Variants in LIG3 observed in about 807,000 individuals in gnomAD.
LIG3 encodes the protein ligase II, DNA, ATP-dependent.
LIG3 carries 58 observed loss-of-function variants against 110.9 expected under a neutral mutation model. The observed-to-expected ratio is 0.52, with a 90% CI of 0.42 to 0.65. The LOEUF (loss-of-function observed/expected upper bound fraction) is 0.65, where lower values mean the gene tolerates loss of function less well. LIG3 is among the 30% of genes least tolerant of loss of function. The pLI, the probability that LIG3 is intolerant of heterozygous loss-of-function variation, is 0.00. For synonymous variants in LIG3, 422 were observed against 472.8 expected, an observed-to-expected ratio of 0.89 and a Z score of 1.39; for missense variants, 1,094 against 1,273.8, an observed-to-expected ratio of 0.86 and a Z score of 2.15.
rs770259621 is a variant in LIG3 at position 35,005,435 on chromosome 17, G to A, written c.*929G>A. On this transcript the variant is annotated 3_prime_UTR_variant, in exon 20 of 20. Coordinates refer to ENST00000378526, the MANE Select transcript of LIG3 (RefSeq NM_013975.4). Reference sequence around the variant, plus strand: ...GGTGGTGTCTTACTTCCTCATGACTGGAGGAATAATTATATGATATTGTTG... The same window carrying A: ...GGTGGTGTCTTACTTCCTCATGACTAGAGGAATAATTATATGATATTGTTG... 1.8e-5 allele frequency: 10 copies of A among 560,382 alleles called. No homozygotes were observed. Among genetic ancestry groups the A allele is most frequent in the Non-Finnish European group, 2.5e-5 (7 of 276,496 alleles). 34.7% of individuals were successfully genotyped at this position (560,382 alleles called of 1,614,324 possible). A position where few individuals can be genotyped will look rare whatever the true frequency, so the allele number is the denominator to read the frequency against.
In LIG3 at chr17:35,001,417, G is replaced by A. The variant is rs3136023; in HGVS notation, c.2478+14G>A. 1,159 of 1,613,344 alleles carry A rather than the reference G, an allele frequency of 7.2e-4. 8 individuals carry two copies. The African/African-American group carries it at 0.013, about 19-fold the overall frequency. ...CCCCAACTCAAGGTAGCAGCTCTTAGGCTGTATATGTATTCTCCACCCCAC... is the reference window on the plus strand; with the variant it reads ...CCCCAACTCAAGGTAGCAGCTCTTAAGCTGTATATGTATTCTCCACCCCAC... On this transcript the variant is annotated intron_variant, in intron 17 of 19. Transcript: ENST00000378526.
chr17:34,997,645 T>C (rs1306265979), intron 11 of LIG3, 93 bp from the exon 12 acceptor site: 7 of 885,360 alleles, frequency 7.9e-6, no homozygotes, highest in African/African-American at 1.6e-5. Context: ...TTTCTTGAAG[T>C]AGCAGTTTTA....
In LIG3 at chr17:34,983,118, G is replaced by A. The variant is rs773232285; in HGVS notation, c.113G>A (p.Trp38Ter). 2 of 1,614,156 alleles carry A rather than the reference G, an allele frequency of 1.2e-6. No homozygotes were observed. The highest frequency in any genetic ancestry group is 1.7e-6 in the Non-Finnish European group (2 of 1,180,030). ...HWRDVRQFSQ[W>*]SETDLLHGHP... ...CGTGATGTAAGACAATTCAGCCAGT[G>A]GTCAGAAACAGATCTGCTTCATGGA... is the stretch of plus-strand genomic sequence containing the variant. Residue 38 changes from tryptophan to a stop codon, truncating the protein, a stop_gained, in exon 2 of 20, where the codon TGG becomes TAG. Transcript: ENST00000378526. LOFTEE classifies it high-confidence loss of function.
rs765662606 is a variant in LIG3, at chr17:34,998,676, GAC to G, written c.2066_2067del (p.Thr689SerfsTer2). 2 of 1,614,140 alleles carry G rather than the reference GAC, an allele frequency of 1.2e-6. No homozygotes were observed. Among genetic ancestry groups the G allele is most frequent in the Admixed American group, 1.7e-5 (1 of 60,032 alleles). On this transcript the variant is annotated frameshift_variant, in exon 14 of 20. Coordinates refer to ENST00000378526, the MANE Select transcript of LIG3 (RefSeq NM_013975.4). LOFTEE classifies it high-confidence loss of function. ...CTATTTGAACGAGGGGGCCATGGCC[GAC>G]ACAGCTGACCTGGTGGTCCTTGGAG... ...KDYLNEGAMADTADLVVLGAF... is the reference protein window; with the variant it reads ...KDYLNEGAMAXTADLVVLGAF...
At chr17:34,996,767 A>G (rs1252415699) in intron 11 of LIG3, 114 bp downstream of exon 11, 2 of 884,138 alleles carry the variant, frequency 2.3e-6, no homozygotes, top group Non-Finnish European at 3.7e-6. Flanking sequence ...ACCAGCTGGC[A>G]CATACGTTTG....
Position 34,998,733 on chromosome 17 carries a change from G to T in LIG3, c.2113+6G>T. On this transcript the variant is annotated splice_donor_region_variant and intron_variant, in intron 14 of 19. Transcript: ENST00000378526. ...CTATGGGCAAGGGAGCAAAGGTCAG[G>T]GTGGCCTCTGCCCCCTGGGGTGGTA... 4 of 1,613,318 alleles carry T rather than the reference G, an allele frequency of 2.5e-6. No individual in the cohort carries two copies. The highest frequency in any genetic ancestry group is 3.4e-6 in the Non-Finnish European group (4 of 1,179,634).
At chr17:34,984,808 C>T (rs1402757911) in intron 2 of LIG3, among the ~76,000 whole-genome samples, 2 of 150,824 alleles carry the variant, frequency 1.3e-5, no homozygotes, top group Non-Finnish European at 2.9e-5. Flanking sequence ...GACAGAGTCT[C>T]ACTCTGTGAC....
At chr17:34,988,297 C>A (rs2090681040) in intron 3 of LIG3, among the ~76,000 whole-genome samples, 1 of 150,492 alleles carries the variant, frequency 6.6e-6, no homozygotes, top group African/African-American at 2.4e-5. Context: ...CAGCATGTTT[C>A]TGGAAGGGCT....
chr17:35,004,401 C>G lies in LIG3; in HGVS notation c.2925C>G (p.Ala975=). Residue 975 remains alanine (A), a synonymous_variant, in exon 20 of 20, where the codon GCC becomes GCG. Transcript: ENST00000378526. The stretch of plus-strand genomic sequence containing the variant: ...TACAGGAATTTGATATGACTTCAGC[C>G]ACGCACGTGCTGGGTAGCAGGGACA... ...DLVQEFDMTS[A]THVLGSRDKN... The G allele has an allele frequency of 6.2e-7, 1 of 1,614,186 alleles. No individual in the cohort carries two copies. Among genetic ancestry groups the G allele is most frequent in the South Asian group, 1.1e-5 (1 of 91,090 alleles).
rs2090923500 is a variant in LIG3, at chr17:35,009,691, T to A, written c.*5185T>A. On this transcript the variant is annotated 3_prime_UTR_variant, in exon 20 of 20. Coordinates refer to ENST00000378526, the MANE Select transcript of LIG3 (RefSeq NM_013975.4). ...AGGCAAAATGAGTAAACAACCTCAGTTTTAATTCTTACTGAGGTTACTAAC... is the reference window on the plus strand; with the variant it reads ...AGGCAAAATGAGTAAACAACCTCAGATTTAATTCTTACTGAGGTTACTAAC... The A allele has an allele frequency of 2.6e-5, 4 of 152,098 alleles. No individual in the cohort carries two copies. The highest frequency in any genetic ancestry group is 2.0e-4 in the Admixed American group (3 of 15,272). 9.4% of individuals were successfully genotyped at this position (152,098 alleles called of 1,614,324 possible).
Position 35,004,595 on chromosome 17 carries a change from A to AT in LIG3, c.*89_*90insT. 9.1e-7 allele frequency: 1 copy of AT among 1,093,620 alleles called. No homozygotes were observed. The highest frequency in any genetic ancestry group is 1.4e-6 in the Non-Finnish European group (1 of 736,322). The allele number at this position is 1,093,620 out of a possible 1,614,324, so 67.7% of individuals were successfully genotyped here. A position where few individuals can be genotyped will look rare whatever the true frequency, so the allele number is the denominator to read the frequency against. ...GGCTGGAGGCAGATAGACACAGTAT[A>AT]GGGGGAATGGGCTTGCTTCTCCCAA... On this transcript the variant is annotated 3_prime_UTR_variant, in exon 20 of 20. Coordinates refer to ENST00000378526, the MANE Select transcript of LIG3 (RefSeq NM_013975.4).
At chr17:34,989,186 A>T (rs1215545360) in intron 3 of LIG3, among the ~76,000 whole-genome samples, 1 of 152,084 alleles carries the variant, frequency 6.6e-6, no homozygotes, top group African/African-American at 2.4e-5. Flanking sequence ...ATTCTTCAGT[A>T]AAGTGCTCAC....
chr17:34,983,244 G>A lies in LIG3; in HGVS notation c.239G>A (p.Gly80Glu), dbSNP rs142501106. The change falls in exon 2 of 20, where the codon GGA becomes GAA. Residue 80 changes from glycine (G) to glutamate (E), a missense_variant. By Grantham distance (98) the Gly-to-Glu change is moderately conservative. Coordinates refer to ENST00000378526, the MANE Select transcript of LIG3 (RefSeq NM_013975.4). ...YLVFLPGLHV[G>E]LCSGPCEMAE... ...GTTTTCTTGCCAGGGTTGCATGTGG[G>A]ACTCTGCAGTGGCCCCTGTGAGATG... The A allele has an allele frequency of 2.5e-6, 4 of 1,614,092 alleles. No homozygotes were observed. In the African/African-American group the frequency reaches 5.3e-5, roughly 22 times the overall value.
chr17:34,996,450 C>A, intron 10 of LIG3, 124 bp from the exon 11 acceptor site: 1 of 879,306 alleles, frequency 1.1e-6, no homozygotes, highest in Non-Finnish European at 1.8e-6. Flanking sequence ...CCAGGGGCTT[C>A]AGAGCAGAAA....
rs2090782846 is a variant in LIG3 at position 34,996,766 on chromosome 17, C to A, written c.1823+113C>A. 5 of 887,538 alleles carry A rather than the reference C, an allele frequency of 5.6e-6. No individual in the cohort carries two copies. In the South Asian group the frequency reaches 7.0e-5, roughly 12 times the overall value. The allele number at this position is 887,538 out of a possible 1,614,324, so 55.0% of individuals were successfully genotyped here. A position where few individuals can be genotyped will look rare whatever the true frequency, so the allele number is the denominator to read the frequency against. On this transcript the variant is annotated intron_variant, in intron 11 of 19. Transcript: ENST00000378526. ...AAGGAGGGTACAGGGAACCAGCTGG[C>A]ACATACGTTTGTGCTCAGGAGCTTG...
intron 14 of LIG3, 22 bp downstream of exon 14, chr17:34,998,749 T>C (rs2090807777): frequency 1.2e-6 from 2 of 1,610,842 alleles, no homozygotes; most frequent in Non-Finnish European, 1.7e-6. Context: ...CTCTGCCCCC[T>C]GGGGTGGTAC....
At chr17:34,982,180 G>A (rs1344944592) in intron 1 of LIG3, among the ~76,000 whole-genome samples, 1 of 152,188 alleles carries the variant, frequency 6.6e-6, no homozygotes, top group East Asian at 1.9e-4. Flanking sequence ...GGCTGAGTTA[G>A]GATTTGAACT....
At position 35,006,105 on chromosome 17, in the gene LIG3, G is replaced by A. The variant is rs1454523166; in HGVS notation, c.*1599G>A. 3 of 171,664 alleles carry A rather than the reference G, an allele frequency of 1.7e-5. No individual in the cohort carries two copies. Among genetic ancestry groups the A allele is most frequent in the Non-Finnish European group, 3.8e-5 (3 of 79,650 alleles). The allele number at this position is 171,664 out of a possible 1,614,324, so 10.6% of individuals were successfully genotyped here. ...CCATACAACCTGCTTACAAAGAACA[G>A]CTCCTGTGCTACCTGAGGCTGATTT... On this transcript the variant is annotated 3_prime_UTR_variant, in exon 20 of 20. Transcript: ENST00000378526.
In LIG3 at chr17:34,989,338, A is replaced by T. The variant is rs2090692236; in HGVS notation, c.692-128A>T. ...CTGTAAGATGGATATAATGACATCT[A>T]CCCCAAAAGTCTATTCGGGGAGATT... On this transcript the variant is annotated intron_variant, in intron 3 of 19. Transcript: ENST00000378526. 7 of 805,472 alleles carry T rather than the reference A, an allele frequency of 8.7e-6. No homozygotes were observed. The South Asian group carries it at 1.3e-4, about 15-fold the overall frequency. The allele number at this position is 805,472 out of a possible 1,614,324, so 49.9% of individuals were successfully genotyped here.
Sources: allele counts gnomAD v4.1 joint callset (sites outside exome capture counted in the v4.1 genomes callset), GRCh38; gene constraint gnomAD v4.1.1; transcripts MANE v1.5; gene names NCBI Gene and HGNC (gene_info 2026-07-23, HGNC 2026-07-21).